DLC1: variants seen among roughly 807,000 people sequenced by gnomAD.
DLC1 encodes rho GTPase-activating protein 7.
In DLC1, 54 loss-of-function variants were observed where a neutral mutation model predicts 140.3. The observed-to-expected ratio is 0.38, with a 90% confidence interval of 0.31 to 0.48. The LOEUF (loss-of-function observed/expected upper bound fraction) is 0.48. Among genes scored for constraint, DLC1 ranks in the 20% least tolerant of loss-of-function variants. The pLI is 0.96. For missense variants in DLC1, 2,536 were observed against 1,907.0 expected (o/e 1.33, Z -6.14); for synonymous variants, 986 against 728.1 (o/e 1.35, Z -5.70).
chr8:13,095,234 T>G lies in DLC1; in HGVS notation c.3179A>C (p.Lys1060Thr), dbSNP rs749535080. 6.2e-7 allele frequency: 1 copy of G among 1,614,114 alleles called. No homozygotes were observed. Among genetic ancestry groups the G allele is most frequent in the Non-Finnish European group, 8.5e-7 (1 of 1,180,038 alleles). Residue 1060 changes from lysine to threonine, a missense_variant, in exon 11 of 18, where the codon AAG becomes ACG. Coordinates refer to ENST00000276297, the MANE Select transcript of DLC1 (RefSeq NM_182643.3). ...NKHGFSWAVP[K>T]FMKRIKVPDY... ...TGGAACCTTGATCCTCTTCATGAACTTGGGCACGGCCCTGTTAAAGAACAC... is the reference window on the plus strand; with the variant it reads ...TGGAACCTTGATCCTCTTCATGAACGTGGGCACGGCCCTGTTAAAGAACAC...
chr8:13,525,422 A>T (rs987268377), intron 1 of DLC1, among the ~76,000 whole-genome samples: 1 of 152,184 alleles, frequency 6.6e-6, no homozygotes, highest in African/African-American at 2.4e-5. Context: ...ACTGTTTTCT[A>T]AGGTGGATAT....
rs1211115528 is a variant in DLC1 at position 13,083,533 on chromosome 8, A to T, written c.*2278T>A. 6.6e-6 allele frequency: 1 copy of T among 152,352 alleles called. No homozygotes were observed. Among genetic ancestry groups the T allele is most frequent in the Non-Finnish European group, 1.5e-5 (1 of 68,038 alleles). 9.4% of individuals were successfully genotyped at this position (152,352 alleles called of 1,614,324 possible). ...ATGGCGCTCTAAGTGACCTCAGCAG[A>T]GTTCTTGAAAATGTTCATATCCTTC... On this transcript the variant is annotated 3_prime_UTR_variant, in exon 18 of 18. Coordinates refer to ENST00000276297, the MANE Select transcript of DLC1 (RefSeq NM_182643.3).
chr8:13,364,300 CTTTT>C (rs34178675), intron 4 of DLC1, among the ~76,000 whole-genome samples: 1 of 141,834 alleles, frequency 7.1e-6, no homozygotes, highest in Non-Finnish European at 1.5e-5. Context: ...GGTAATGAAA[CTTTT>C]TTTTTTTTTT....
intron 1 of DLC1, among the ~76,000 whole-genome samples, chr8:13,576,691 G>A (rs370155805): frequency 1.3e-4 from 20 of 152,038 alleles, no homozygotes; most frequent in East Asian, 3.9e-4. Context: ...GAGCATTTGC[G>A]TGTCCTCAGT....
intron 5 of DLC1, among the ~76,000 whole-genome samples, chr8:13,187,073 G>C (rs1019103479): frequency 6.6e-6 from 1 of 152,166 alleles, no homozygotes; most frequent in Non-Finnish European, 1.5e-5. Flanking sequence ...CCACCTATGT[G>C]AGGTGTCTGT....
At chr8:13,599,549 T>A (rs905531759) in intron 1 of DLC1, among the ~76,000 whole-genome samples, 6 of 151,934 alleles carry the variant, frequency 3.9e-5, no homozygotes, top group African/African-American at 1.4e-4. Context: ...GAAGAAGGCA[T>A]GAACAAAGAA....
chr8:13,444,485 A>G (rs1798689326), intron 2 of DLC1, among the ~76,000 whole-genome samples: 1 of 152,252 alleles, frequency 6.6e-6, no homozygotes, highest in African/African-American at 2.4e-5. Context: ...AGAAGGTCAC[A>G]TTAAATGAGT....
intron 5 of DLC1, among the ~76,000 whole-genome samples, chr8:13,196,303 T>A (rs76153970): frequency 0.019 from 2,843 of 152,318 alleles, 86 homozygotes; most frequent in African/African-American, 0.065. Flanking sequence ...TAATTCTGGA[T>A]ACAAGAAGAA....
At chr8:13,476,992 C>G (rs1800461538) in intron 2 of DLC1, among the ~76,000 whole-genome samples, 1 of 152,150 alleles carries the variant, frequency 6.6e-6, no homozygotes, top group African/African-American at 2.4e-5. Context: ...CTACATCAAC[C>G]TTACTGAAAA....
intron 4 of DLC1, among the ~76,000 whole-genome samples, chr8:13,316,346 G>A (rs1337909264): frequency 6.6e-6 from 1 of 152,024 alleles, no homozygotes; most frequent in Non-Finnish European, 1.5e-5. Context: ...AGAGTCATAG[G>A]TGAGTTTTAT....
intron 15 of DLC1, 30 bp downstream of exon 15, chr8:13,090,222 C>T (rs1031260621): frequency 6.2e-7 from 1 of 1,601,842 alleles, no homozygotes; most frequent in African/African-American, 1.3e-5. Context: ...CTCCTGGACT[C>T]AACTAGCCGA....
At chr8:13,351,544 T>C (rs1169197927) in intron 4 of DLC1, among the ~76,000 whole-genome samples, 1 of 152,202 alleles carries the variant, frequency 6.6e-6, no homozygotes, top group Non-Finnish European at 1.5e-5. Flanking sequence ...TTGTGACCCA[T>C]AAAAATCACA....
intron 2 of DLC1, among the ~76,000 whole-genome samples, chr8:13,419,384 G>A (rs373992558): frequency 1.3e-5 from 2 of 152,198 alleles, no homozygotes; most frequent in East Asian, 1.9e-4. Flanking sequence ...TTTGAGATAC[G>A]TCCCATCAGT....
intron 4 of DLC1, among the ~76,000 whole-genome samples, chr8:13,343,428 A>G (rs1204686922): frequency 6.6e-6 from 1 of 152,198 alleles, no homozygotes; most frequent in East Asian, 1.9e-4. Flanking sequence ...CTTTAAAATT[A>G]CATGTCTCTT....
intron 4 of DLC1, among the ~76,000 whole-genome samples, chr8:13,386,514 C>G (rs758851439): frequency 1.3e-5 from 2 of 152,000 alleles, no homozygotes; most frequent in East Asian, 3.9e-4. Context: ...GATGGAATAA[C>G]CCATCACAGA....
chr8:13,257,439 G>GAAAAAAAAAAAAAAAAAAAAAAAAA lies in DLC1; in HGVS notation c.1348+47829_1348+47830insTTTTTTTTTTTTTTTTTTTTTTTTT, dbSNP rs34452124. On this transcript the variant is annotated intron_variant, in intron 5 of 17. Transcript: ENST00000276297. ...GTGACAGAGCAATACCCTGTCTCAGGAAAAAAAAAAAAAAAAAAAGCAACA... is the reference window on the plus strand; with the variant it reads ...GTGACAGAGCAATACCCTGTCTCAGGAAAAAAAAAAAAAAAAAAAAAAAAAAAAAAAAAAAAAAAAAAAAGCAACA... Among the ~76,000 whole-genome samples the GAAAAAAAAAAAAAAAAAAAAAAAAA allele has an allele frequency of 1.9e-5, 2 of 104,468 alleles. 1 individual carries two copies. Among genetic ancestry groups the GAAAAAAAAAAAAAAAAAAAAAAAAA allele is most frequent in the Non-Finnish European group, 3.9e-5 (2 of 51,794 alleles). 68.5% of individuals were successfully genotyped at this position (104,468 alleles called of 152,430 possible). A position where few individuals can be genotyped will look rare whatever the true frequency, so the allele number is the denominator to read the frequency against.
At chr8:13,475,276 C>T (rs557580446) in intron 2 of DLC1, among the ~76,000 whole-genome samples, 22 of 152,280 alleles carry the variant, frequency 1.4e-4, no homozygotes, top group Admixed American at 3.9e-4. Flanking sequence ...GTGTTCCCTA[C>T]GATATAGCAC....
In DLC1 at chr8:13,095,243, G is replaced by C; in HGVS notation, c.3170C>G (p.Ala1057Gly). Residue 1057 changes from alanine (A) to glycine (G), a missense_variant and splice_region_variant, in exon 11 of 18, where the codon GCC becomes GGC. By Grantham distance (60) the Ala-to-Gly change is moderately conservative. Coordinates refer to ENST00000276297, the MANE Select transcript of DLC1 (RefSeq NM_182643.3). ...GATCCTCTTCATGAACTTGGGCACG[G>C]CCCTGTTAAAGAACACAGAGATGGT... ...TPSNKHGFSW[A>G]VPKFMKRIKV... 1 of 1,614,226 alleles carries C rather than the reference G, an allele frequency of 6.2e-7. No homozygotes were observed. The highest frequency in any genetic ancestry group is 8.5e-7 in the Non-Finnish European group (1 of 1,180,048).
chr8:13,238,777 G>A (rs576520137), intron 5 of DLC1, among the ~76,000 whole-genome samples: 2 of 152,262 alleles, frequency 1.3e-5, no homozygotes, highest in African/African-American at 4.8e-5. Context: ...TTACTCTGAT[G>A]CCCTGGAAGC....
Sources: allele counts gnomAD v4.1 joint callset (sites outside exome capture counted in the v4.1 genomes callset), GRCh38; gene constraint gnomAD v4.1.1; transcripts MANE v1.5; gene names NCBI Gene and HGNC (gene_info 2026-07-23, HGNC 2026-07-21).